STAU1: variants seen among roughly 807,000 people sequenced by gnomAD.
The protein encoded by STAU1 is double-stranded RNA-binding protein Staufen homolog 1.
In STAU1, 13 loss-of-function variants were observed where a neutral mutation model predicts 62.9. The observed-to-expected ratio is 0.21, with a 90% CI of 0.13 to 0.33. The LOEUF is 0.33. Ranked by LOEUF, STAU1 falls within the 10% of genes least tolerant of loss-of-function variation. The pLI is 1.00. For missense variants in STAU1, 571 were observed against 712.1 expected (o/e 0.80, Z 2.25); for synonymous variants, 269 against 265.1 (o/e 1.01, Z -0.14).
the STAU1 span, among the ~76,000 whole-genome samples, chr20:49,197,628 C>T: frequency 2.6e-5 from 4 of 151,918 alleles, no homozygotes; most frequent in Admixed American, 6.6e-5. Context: ...TCTCGAACTC[C>T]CGACCTCACG....
the STAU1 span, among the ~76,000 whole-genome samples, chr20:49,216,050 A>AG: frequency 3.3e-5 from 5 of 150,250 alleles, no homozygotes; most frequent in Non-Finnish European, 5.9e-5. Flanking sequence ...AAGAAGAAGA[A>AG]AAAAAAAGAA....
chr20:49,187,782 C>G (rs1052024028), intron 1 of STAU1, among the ~76,000 whole-genome samples: 1 of 6,278 alleles, frequency 1.6e-4, no homozygotes, highest in East Asian at 1.5e-3. Context: ...GACCCCCCCC[C>G]CCCCCCGCCT....
At chr20:49,186,861 G>A (rs939923618) in intron 1 of STAU1, among the ~76,000 whole-genome samples, 1 of 152,032 alleles carries the variant, frequency 6.6e-6, no homozygotes, top group African/African-American at 2.4e-5. Context: ...CAGAAGAGAA[G>A]TGTGACCTTA....
At chr20:49,116,333 C>G (rs1470400677) in intron 12 of STAU1, among the ~76,000 whole-genome samples, 1 of 152,032 alleles carries the variant, frequency 6.6e-6, no homozygotes, top group African/African-American at 2.4e-5. Flanking sequence ...ACATTATCTT[C>G]GGAGACACTG....
rs368619646 is a variant in STAU1 at position 49,150,506 on chromosome 20, C to T, written c.510+1076G>A. ...CCTCTCGAATAGCTGGGACTACAGG[C>T]GCCCACCACCACGCCCGGCGAATTT... is the stretch of plus-strand genomic sequence containing the variant. On this transcript the variant is annotated intron_variant, in intron 5 of 13. Coordinates refer to ENST00000371856, the MANE Select transcript of STAU1 (RefSeq NM_017453.4). Among the ~76,000 whole-genome samples the T allele has an allele frequency of 4.4e-4, 67 of 152,094 alleles. 1 individual carries two copies. The South Asian group carries it at 0.013, about 29-fold the overall frequency.
intron 4 of STAU1, among the ~76,000 whole-genome samples, chr20:49,153,711 A>C (rs1204027581): frequency 2.6e-4 from 1 of 3,904 alleles, no homozygotes; most frequent in Admixed American, 2.1e-3. Flanking sequence ...ACTCTGTCTC[A>C]AAAAAAAAAA....
intron 1 of STAU1, among the ~76,000 whole-genome samples, chr20:49,175,924 A>G (rs1011916314): frequency 8.7e-5 from 13 of 149,680 alleles, no homozygotes; most frequent in Admixed American, 2.7e-4. Flanking sequence ...CCTCCCAAGT[A>G]GCTGGGACTA....
chr20:49,210,285 A>G, the STAU1 span, among the ~76,000 whole-genome samples: 1 of 152,022 alleles, frequency 6.6e-6, no homozygotes, highest in African/African-American at 2.4e-5. Context: ...GGTGGACACT[A>G]CATATCTGGA....
intron 4 of STAU1, among the ~76,000 whole-genome samples, chr20:49,153,710 C>CAAAAAAAAAAAAAAAAAAA (rs145558067): frequency 2.8e-4 from 19 of 67,592 alleles, no homozygotes; most frequent in Admixed American, 4.2e-4. Flanking sequence ...GACTCTGTCT[C>CAAAAAAAAAAAAAAAAAAA]AAAAAAAAAA....
At chr20:49,184,022 C>G (rs2093757841) in intron 1 of STAU1, among the ~76,000 whole-genome samples, 1 of 151,814 alleles carries the variant, frequency 6.6e-6, no homozygotes, top group Admixed American at 6.6e-5. Context: ...CTCTGCTTCC[C>G]AGGTTCAAGC....
At chr20:49,159,084 C>A in intron 3 of STAU1, 1 of 1,220,404 alleles carries the variant, frequency 8.2e-7, no homozygotes, top group Non-Finnish European at 1.1e-6. Flanking sequence ...AAGCCTGCAA[C>A]GCAGTACAAT....
In STAU1 at chr20:49,149,358, A is replaced by C. The variant is rs1407286543; in HGVS notation, c.510+2224T>G. 4.7e-5 allele frequency among the ~76,000 whole-genome samples: 7 copies of C among 147,758 alleles called. No homozygotes were observed. In the East Asian group the frequency reaches 1.2e-3, roughly 25 times the overall value. On this transcript the variant is annotated intron_variant, in intron 5 of 13. Transcript: ENST00000371856. ...CACACACACACACCCCCAAGCAAGT[A>C]CAACAAAAGCAAAAGCCAGATTCCT...
At chr20:49,213,052 C>T in the STAU1 span, among the ~76,000 whole-genome samples, 2 of 152,156 alleles carry the variant, frequency 1.3e-5, no homozygotes, top group East Asian at 3.9e-4. Flanking sequence ...GTCATCCAGG[C>T]TAGAGTGCAG....
At chr20:49,178,453 A>G (rs1210275102) in intron 1 of STAU1, among the ~76,000 whole-genome samples, 1 of 152,044 alleles carries the variant, frequency 6.6e-6, no homozygotes, top group East Asian at 1.9e-4. Flanking sequence ...ATCTCTACTA[A>G]AAATACAAAA....
the STAU1 span, among the ~76,000 whole-genome samples, chr20:49,199,554 TTTTTA>T: frequency 1.3e-5 from 2 of 151,150 alleles, no homozygotes; most frequent in Non-Finnish European, 2.9e-5. Context: ...TTTATTTTTA[TTTTTA>T]TTTTATTTTT....
Position 49,153,977 on chromosome 20 carries a change from C to T in STAU1, c.300G>A (p.Gln100=), listed in dbSNP as rs142470449. The part of the protein sequence containing the change: ...YKPVDPYSRM[Q]STYNYNMRGG... Reference sequence around the variant, plus strand: ...CTCTCATGTTGTAGTTATAGGTGGACTGCATCCGAGAGTAAGGGTCAACAG... The same window carrying T: ...CTCTCATGTTGTAGTTATAGGTGGATTGCATCCGAGAGTAAGGGTCAACAG... Residue 100 remains glutamine (Q), a synonymous_variant, in exon 4 of 14, where the codon CAG becomes CAA. Coordinates refer to ENST00000371856, the MANE Select transcript of STAU1 (RefSeq NM_017453.4). 16 of 1,611,782 alleles carry T rather than the reference C, an allele frequency of 9.9e-6. No homozygotes were observed. Among genetic ancestry groups the T allele is most frequent in the Non-Finnish European group, 1.4e-5 (16 of 1,179,524 alleles).
At chr20:49,207,016 A>G in the STAU1 span, among the ~76,000 whole-genome samples, 4 of 151,806 alleles carry the variant, frequency 2.6e-5, no homozygotes, top group East Asian at 5.8e-4. Flanking sequence ...GGCCTCCCCA[A>G]GTGCTGGGAT....
At chr20:49,145,355 C>T (rs1459361378) in intron 5 of STAU1, among the ~76,000 whole-genome samples, 2 of 127,764 alleles carry the variant, frequency 1.6e-5, no homozygotes, top group African/African-American at 3.0e-5. Flanking sequence ...AGCTGGGAGG[C>T]GGAGGTTGCA....
chr20:49,196,608 G>A, the STAU1 span, among the ~76,000 whole-genome samples: 2 of 151,448 alleles, frequency 1.3e-5, no homozygotes, highest in African/African-American at 4.9e-5. Flanking sequence ...CCAACATGAC[G>A]AAATAAAAAT....
Sources: allele counts gnomAD v4.1 joint callset (sites outside exome capture counted in the v4.1 genomes callset), GRCh38; gene constraint gnomAD v4.1.1; transcripts MANE v1.5; gene names NCBI Gene and HGNC (gene_info 2026-07-23, HGNC 2026-07-21).